The following EDIL3 variants were observed in gnomAD, a reference collection of about 807,000 sequenced individuals.
EDIL3 encodes EGF-like repeat and discoidin I-like domain-containing protein 3.
Under a neutral mutation model 67.4 loss-of-function variants are expected in EDIL3, and 37 were observed. The ratio of observed to expected loss-of-function variants is 0.55; its 90% confidence interval spans 0.42 to 0.72. The LOEUF (loss-of-function observed/expected upper bound fraction) is 0.72. Ranked by LOEUF, EDIL3 falls within the 30% of genes least tolerant of loss-of-function variation. EDIL3 has a pLI of 0.00. For missense variants in EDIL3, 527 were observed against 586.3 expected (o/e 0.90, Z 1.04); for synonymous variants, 195 against 196.3 (o/e 0.99, Z 0.05).
chr5:84,250,730 A>T (rs1029660444), intron 2 of EDIL3, among the ~76,000 whole-genome samples: 6 of 152,246 alleles, frequency 3.9e-5, no homozygotes, highest in African/African-American at 1.4e-4. Context: ...CAGGATAAAC[A>T]TAATTTTAAA....
intron 9 of EDIL3, among the ~76,000 whole-genome samples, chr5:84,027,458 T>G (rs921886769): frequency 6.6e-6 from 1 of 152,210 alleles, no homozygotes; most frequent in African/African-American, 2.4e-5. Context: ...ATAGTTTTCA[T>G]GTACTAGTTG....
chr5:84,138,402 C>G (rs1474021719), intron 4 of EDIL3, among the ~76,000 whole-genome samples: 1 of 152,210 alleles, frequency 6.6e-6, no homozygotes, highest in Non-Finnish European at 1.5e-5. Flanking sequence ...AAATGCCACA[C>G]TCCATCTGGA....
At chr5:84,346,546 G>C (rs1332328259) in intron 1 of EDIL3, among the ~76,000 whole-genome samples, 1 of 152,136 alleles carries the variant, frequency 6.6e-6, no homozygotes, top group Non-Finnish European at 1.5e-5. Flanking sequence ...TCCTGAGGTA[G>C]ATGAGTACAG....
chr5:83,943,877 G>A (rs1744268656), intron 10 of EDIL3, among the ~76,000 whole-genome samples: 2 of 151,940 alleles, frequency 1.3e-5, no homozygotes, highest in Admixed American at 6.6e-5. Context: ...ACAGGCTGAC[G>A]TTAGTCATGT....
chr5:84,368,765 A>C (rs1279102588), intron 1 of EDIL3, among the ~76,000 whole-genome samples: 1 of 152,112 alleles, frequency 6.6e-6, no homozygotes, highest in Non-Finnish European at 1.5e-5. Flanking sequence ...AGAGAACTTT[A>C]AAACTCAACA....
chr5:84,117,532 A>G (rs1193281778), intron 5 of EDIL3, among the ~76,000 whole-genome samples: 2 of 151,582 alleles, frequency 1.3e-5, no homozygotes, highest in Non-Finnish European at 2.9e-5. Context: ...ATTGCTATAG[A>G]GTTTGGCCTA....
At chr5:84,320,954 G>T (rs987681011) in intron 1 of EDIL3, among the ~76,000 whole-genome samples, 7 of 152,080 alleles carry the variant, frequency 4.6e-5, no homozygotes, top group Admixed American at 2.6e-4. Context: ...TTTGTGCTGA[G>T]AATTTTGTTT....
chr5:84,200,280 T>C (rs1287746788), intron 3 of EDIL3, among the ~76,000 whole-genome samples: 6 of 151,978 alleles, frequency 3.9e-5, no homozygotes, highest in African/African-American at 1.4e-4. Flanking sequence ...AAAAGCAGAG[T>C]ATTAATTTAT....
At chr5:84,305,951 G>T (rs1180654111) in intron 1 of EDIL3, among the ~76,000 whole-genome samples, 1 of 151,834 alleles carries the variant, frequency 6.6e-6, no homozygotes, top group Non-Finnish European at 1.5e-5. Flanking sequence ...TACACTGTGT[G>T]CATATTGTCC....
chr5:84,382,593 GA>G (rs1748105586), intron 1 of EDIL3, among the ~76,000 whole-genome samples: 1 of 152,214 alleles, frequency 6.6e-6, no homozygotes, highest in African/African-American at 2.4e-5. Flanking sequence ...AGAAGGAGGA[GA>G]GGGGAGTGCC....
chr5:83,991,211 A>G (rs1420146015), intron 9 of EDIL3, among the ~76,000 whole-genome samples: 1 of 152,114 alleles, frequency 6.6e-6, no homozygotes, highest in Non-Finnish European at 1.5e-5. Flanking sequence ...CCCTACATCA[A>G]CTGGCCCGTT....
chr5:84,266,256 T>A (rs1181132957), intron 1 of EDIL3, among the ~76,000 whole-genome samples: 1 of 152,164 alleles, frequency 6.6e-6, no homozygotes, highest in Non-Finnish European at 1.5e-5. Flanking sequence ...CACTTAGTGG[T>A]ATTCAGTCTC....
At chr5:84,365,564 C>A (rs1436961580) in intron 1 of EDIL3, among the ~76,000 whole-genome samples, 1 of 151,990 alleles carries the variant, frequency 6.6e-6, no homozygotes, top group Non-Finnish European at 1.5e-5. Flanking sequence ...AAGCAGAGAC[C>A]ACCTGATGAC....
chr5:84,080,115 C>A (rs961491286), intron 6 of EDIL3, among the ~76,000 whole-genome samples: 123 of 52,952 alleles, frequency 2.3e-3, no homozygotes, highest in Non-Finnish European at 2.7e-3. Flanking sequence ...ACTAAAAATA[C>A]AAAAAAAAAA....
intron 1 of EDIL3, among the ~76,000 whole-genome samples, chr5:84,268,313 T>C (rs1007111122): frequency 6.6e-6 from 1 of 152,172 alleles, no homozygotes; most frequent in African/African-American, 2.4e-5. Context: ...TTGTGAATGA[T>C]ACTTTAAGCA....
At chr5:84,377,813 A>T (rs1747998710) in intron 1 of EDIL3, among the ~76,000 whole-genome samples, 1 of 152,216 alleles carries the variant, frequency 6.6e-6, no homozygotes, top group Admixed American at 6.5e-5. Context: ...GGCAAAGCTA[A>T]GTCAATCTTC....
chr5:84,289,391 T>C (rs1002412778), intron 1 of EDIL3, among the ~76,000 whole-genome samples: 10 of 152,214 alleles, frequency 6.6e-5, no homozygotes, highest in African/African-American at 2.4e-4. Context: ...CAGAACTTAC[T>C]ATTTCCCAGC....
chr5:84,144,067 A>G (rs1748250241), intron 4 of EDIL3, among the ~76,000 whole-genome samples: 1 of 152,148 alleles, frequency 6.6e-6, no homozygotes, highest in Non-Finnish European at 1.5e-5. Context: ...ATATCAATGC[A>G]CAAGTCATGC....
chr5:84,005,815 C>T (rs571778407), intron 9 of EDIL3, among the ~76,000 whole-genome samples: 2 of 152,044 alleles, frequency 1.3e-5, no homozygotes, highest in African/African-American at 2.4e-5. Flanking sequence ...ATTGGAAGTC[C>T]TAGCCAGAGC....
Sources: gnomAD v4.1 joint callset for allele counts (sites outside exome capture counted in the v4.1 genomes callset) on GRCh38, gnomAD v4.1.1 for gene constraint, MANE v1.5 for transcripts, NCBI Gene and HGNC (gene_info 2026-07-23, HGNC 2026-07-21) for gene names.